The following CLN5 variants were observed in gnomAD, a reference collection of about 807,000 sequenced individuals.
The protein encoded by CLN5 is bis(monoacylglycero)phosphate synthase CLN5.
A neutral mutation model predicts 36.7 loss-of-function variants in CLN5; 34 were observed. That is an observed-to-expected ratio of 0.93 (90% CI 0.71 to 1.23). CLN5 has a LOEUF of 1.23. Among genes scored for constraint, CLN5 ranks in the 50% most tolerant of loss-of-function variants. The pLI is 0.00. For synonymous variants in CLN5, 151 were observed against 155.1 expected (o/e 0.97, Z 0.20); for missense variants, 427 against 439.4 (o/e 0.97, Z 0.25).
Position 76,996,030 on chromosome 13 carries a change from T to C in CLN5, c.468T>C (p.Pro156=). 5 of 1,614,200 alleles carry C rather than the reference T, an allele frequency of 3.1e-6. No individual in the cohort carries two copies. The highest frequency in any genetic ancestry group is 3.4e-6 in the Non-Finnish European group (4 of 1,180,038). Residue 156 remains proline, a synonymous_variant, in exon 3 of 4, where the codon CCT becomes CCC. Coordinates refer to ENST00000377453, the MANE Select transcript of CLN5 (RefSeq NM_006493.4). ...ATCTCCGACCTGAAATGGATGCCCC[T>C]TTCTGGTGTAATCAAGGCGCTGCCT... ...FPHLRPEMDA[P]FWCNQGAACF... is the part of the protein sequence containing the mutation.
In CLN5 at chr13:77,003,831, C is replaced by T. The variant is rs1265973796; in HGVS notation, c.*2862C>T. The T allele has an allele frequency of 2.0e-5, 3 of 152,208 alleles. No homozygotes were observed. The East Asian group carries it at 5.8e-4, about 29-fold the overall frequency. The allele number at this position is 152,208 out of a possible 1,614,324, so 9.4% of individuals were successfully genotyped here. A position where few individuals can be genotyped will look rare whatever the true frequency, so the allele number is the denominator to read the frequency against. ...TTGTGGTGGAGCATGCCTGTAGTCC[C>T]AGCTACTTGGGAGGCTGAGGCAGGA... is the stretch of plus-strand genomic sequence containing the variant. On this transcript the variant is annotated 3_prime_UTR_variant, in exon 4 of 4. Transcript: ENST00000377453.
Sources: gnomAD v4.1 joint callset for allele counts on GRCh38, gnomAD v4.1.1 for gene constraint, MANE v1.5 for transcripts, NCBI Gene and HGNC (gene_info 2026-07-23, HGNC 2026-07-21) for gene names.